SCARA5: variants seen among roughly 807,000 people sequenced by gnomAD.
SCARA5 encodes scavenger receptor class A member 5.
A neutral mutation model predicts 46.3 loss-of-function variants in SCARA5; 45 were observed. The observed-to-expected ratio is 0.97, with a 90% CI of 0.76 to 1.24. The LOEUF (loss-of-function observed/expected upper bound fraction) is 1.24, where lower values mean the gene tolerates loss of function less well. SCARA5 is among the 50% of genes most tolerant of loss of function. The pLI is 0.00. For synonymous variants in SCARA5, 333 were observed against 306.5 expected (o/e 1.09, Z -0.90); for missense variants, 680 against 689.0 (o/e 0.99, Z 0.15).
At chr8:27,960,539 C>T (rs931874096) in intron 3 of SCARA5, among the ~76,000 whole-genome samples, 4 of 152,142 alleles carry the variant, frequency 2.6e-5, no homozygotes, top group Non-Finnish European at 5.9e-5. Flanking sequence ...TTAATTCAGT[C>T]CTCACAACAG....
At chr8:27,930,525 C>T (rs1422488921) in intron 3 of SCARA5, among the ~76,000 whole-genome samples, 2 of 152,094 alleles carry the variant, frequency 1.3e-5, no homozygotes, top group African/African-American at 4.8e-5. Flanking sequence ...GCCTCAGCCT[C>T]CGGAGTAGCT....
At chr8:27,946,581 G>A (rs1242664237) in intron 3 of SCARA5, among the ~76,000 whole-genome samples, 1 of 152,170 alleles carries the variant, frequency 6.6e-6, no homozygotes, top group African/African-American at 2.4e-5. Context: ...TGCAGGCTGC[G>A]GTATTTTGTT....
At chr8:27,897,648 T>C (rs1396484493) in intron 7 of SCARA5, among the ~76,000 whole-genome samples, 1 of 151,960 alleles carries the variant, frequency 6.6e-6, no homozygotes, top group African/African-American at 2.4e-5. Flanking sequence ...CTCGGCTGCC[T>C]GTGTACGCAG....
chr8:27,920,339 G>T (rs1440706587), intron 4 of SCARA5, among the ~76,000 whole-genome samples: 1 of 152,150 alleles, frequency 6.6e-6, no homozygotes, highest in Non-Finnish European at 1.5e-5. Context: ...CTGGCCAGGT[G>T]TAGTGGCTCA....
chr8:27,904,778 T>C lies in SCARA5; in HGVS notation c.1153A>G (p.Ser385Gly), dbSNP rs1353414656. Residue 385 changes from serine to glycine, a missense_variant and splice_region_variant, in exon 7 of 9, where the codon AGT (serine) becomes GGT (glycine). Physicochemically the swap from Ser to Gly is moderately conservative, Grantham distance 56. Around this residue, in one of 3 missense-constraint regions of SCARA5, gnomAD observed 219 missense variants for 269.5 expected, o/e 0.81. Transcript: ENST00000354914. ...GEKGDRAGDA[S>G]GVEAPMMIRL... The stretch of plus-strand genomic sequence containing the variant: ...CACGGCCCCAGCAGAATGTCCTTAC[T>C]GGCATCCCCAGCTCTGTCTCCTTTC... 1 of 1,613,830 alleles carries C rather than the reference T, an allele frequency of 6.2e-7. No homozygotes were observed. The highest frequency in any genetic ancestry group is 2.2e-5 in the East Asian group (1 of 44,890).
chr8:27,941,992 A>C (rs1807953924), intron 3 of SCARA5, among the ~76,000 whole-genome samples: 1 of 151,574 alleles, frequency 6.6e-6, no homozygotes, highest in Non-Finnish European at 1.5e-5. Context: ...ACACTCTGCT[A>C]ATTTTTTTGT....
chr8:27,915,083 G>T (rs888737855), intron 4 of SCARA5, among the ~76,000 whole-genome samples: 1 of 152,158 alleles, frequency 6.6e-6, no homozygotes, highest in Non-Finnish European at 1.5e-5. Context: ...ACCACAGGCC[G>T]GCTGACAGGG....
At chr8:27,880,392 G>GAAA (rs34715999) in intron 7 of SCARA5, among the ~76,000 whole-genome samples, 6 of 138,682 alleles carry the variant, frequency 4.3e-5, no homozygotes, top group African/African-American at 1.1e-4. Flanking sequence ...TTCTGTACAG[G>GAAA]AAAAAAAAAA....
At position 27,904,042 on chromosome 8, in the gene SCARA5, G is replaced by A. The variant is rs577548479; in HGVS notation, c.1153+736C>T. Among the ~76,000 whole-genome samples the A allele has an allele frequency of 2.6e-5, 4 of 152,028 alleles. No homozygotes were observed. The East Asian group carries it at 7.7e-4, about 29-fold the overall frequency. On this transcript the variant is annotated intron_variant, in intron 7 of 8. Transcript: ENST00000354914. ...ATTCTACATGTAGCCCTCTCTAGGG[G>A]AAAAGTAAACCTTAGAAGAGTGGCA...
chr8:27,886,965 C>T (rs986361885), intron 7 of SCARA5, among the ~76,000 whole-genome samples: 1 of 152,134 alleles, frequency 6.6e-6, no homozygotes, highest in African/African-American at 2.4e-5. Context: ...GGGAACGGGG[C>T]TACTGGAGTC....
chr8:27,961,257 T>A (rs1808289843), intron 3 of SCARA5, among the ~76,000 whole-genome samples: 1 of 152,202 alleles, frequency 6.6e-6, no homozygotes, highest in Non-Finnish European at 1.5e-5. Context: ...CCCTCATGAA[T>A]GTCTTGGCAT....
At chr8:27,915,518 C>A (rs1215965340) in intron 4 of SCARA5, among the ~76,000 whole-genome samples, 1 of 152,222 alleles carries the variant, frequency 6.6e-6, no homozygotes, top group Non-Finnish European at 1.5e-5. Flanking sequence ...TCCCCACTTT[C>A]AGCAGGTCCC....
intron 4 of SCARA5, among the ~76,000 whole-genome samples, chr8:27,916,823 T>C (rs1807469068): frequency 6.6e-6 from 1 of 152,190 alleles, no homozygotes; most frequent in South Asian, 2.1e-4. Flanking sequence ...GGAGCCCCAG[T>C]GCAGTGATCT....
intron 7 of SCARA5, among the ~76,000 whole-genome samples, chr8:27,900,924 T>A (rs1807142894): frequency 6.6e-6 from 1 of 151,318 alleles, no homozygotes; most frequent in Non-Finnish European, 1.5e-5. Context: ...CTAGACCCAA[T>A]TTGGCCGTGA....
rs148241364 is a variant in SCARA5, at chr8:27,888,125, C to T, written c.1154-8359G>A. On this transcript the variant is annotated intron_variant, in intron 7 of 8. Transcript: ENST00000354914. ...AGGCTGGAGTGCAGTGGCATGATCT[C>T]GGCTCACTACAACCTCTGTCCCCCA... Among the ~76,000 whole-genome samples, 367 of 152,160 alleles carry T rather than the reference C, an allele frequency of 2.4e-3. 4 individuals are homozygous for T. The highest frequency in any genetic ancestry group is 2.7e-3 in the Non-Finnish European group (181 of 68,002).
chr8:27,952,572 C>G (rs765141957), intron 3 of SCARA5, among the ~76,000 whole-genome samples: 4 of 152,230 alleles, frequency 2.6e-5, no homozygotes, highest in Non-Finnish European at 5.9e-5. Context: ...CCAGCAAGAC[C>G]TTCCTGTGGG....
chr8:27,969,803 A>G (rs1585519892), intron 2 of SCARA5, among the ~76,000 whole-genome samples: 3 of 152,300 alleles, frequency 2.0e-5, no homozygotes, highest in African/African-American at 7.2e-5. Context: ...TGCCTTTGCT[A>G]TAAATCTGAC....
chr8:27,990,769 G>A (rs1481678578), intron 1 of SCARA5, among the ~76,000 whole-genome samples: 1 of 152,226 alleles, frequency 6.6e-6, no homozygotes, highest in African/African-American at 2.4e-5. Flanking sequence ...GGCTCTGAGA[G>A]CTTGAAGCAC....
At chr8:27,941,109 A>C (rs78899824) in intron 3 of SCARA5, among the ~76,000 whole-genome samples, 9 of 151,808 alleles carry the variant, frequency 5.9e-5, no homozygotes, top group East Asian at 1.9e-4. Context: ...TAAAAAAAAA[A>C]CCCACAATAC....
Sources: gnomAD v4.1 joint callset for allele counts (sites outside exome capture counted in the v4.1 genomes callset) on GRCh38, gnomAD v4.1.1 for gene constraint, gnomAD v4.1.1 regional missense constraint, MANE v1.5 for transcripts, NCBI Gene and HGNC (gene_info 2026-07-23, HGNC 2026-07-21) for gene names.